The following SLC25A25 variants were observed in gnomAD, a reference collection of about 807,000 sequenced individuals.
SLC25A25 encodes mitochondrial adenyl nucleotide antiporter SLC25A25.
SLC25A25 carries 32 observed loss-of-function variants against 57.7 expected under a neutral mutation model. That is an observed-to-expected ratio of 0.55 (90% confidence interval 0.42 to 0.74). SLC25A25 has a LOEUF of 0.74. Among genes scored for constraint, SLC25A25 ranks in the 30% least tolerant of loss-of-function variants. SLC25A25 has a pLI of 0.00. For synonymous variants in SLC25A25, 306 were observed against 291.2 expected (o/e 1.05, Z -0.52); for missense variants, 556 against 701.3 (o/e 0.79, Z 2.34).
Position 128,102,627 on chromosome 9 carries a change from T to C in SLC25A25, c.624+146T>C. ...ACTGTCCCCTCTTCTGCCAGCCCAGTAGAGCTGTCCGCATGTTCCCCATGT... is the reference window on the plus strand; with the variant it reads ...ACTGTCCCCTCTTCTGCCAGCCCAGCAGAGCTGTCCGCATGTTCCCCATGT... On this transcript the variant is annotated intron_variant, in intron 5 of 10. Transcript: ENST00000373069. The surrounding 1 kb of genome is among the most constrained non-coding windows in gnomAD (Gnocchi z 4.1). 1 of 651,750 alleles carries C rather than the reference T, an allele frequency of 1.5e-6. No homozygotes were observed. Among genetic ancestry groups the C allele is most frequent in the South Asian group, 1.9e-5 (1 of 52,746 alleles). 40.4% of individuals were successfully genotyped at this position (651,750 alleles called of 1,614,324 possible). A position where few individuals can be genotyped will look rare whatever the true frequency, so the allele number is the denominator to read the frequency against.
intron 1 of SLC25A25, among the ~76,000 whole-genome samples, chr9:128,077,295 A>G (rs972156864): frequency 6.6e-6 from 1 of 151,434 alleles, no homozygotes; most frequent in African/African-American, 2.4e-5. Flanking sequence ...TGGGAGGCCA[A>G]GTCGGGTGGA....
At chr9:128,096,028 A>T (rs186058749) in intron 1 of SLC25A25, among the ~76,000 whole-genome samples, 18 of 152,364 alleles carry the variant, frequency 1.2e-4, no homozygotes, top group African/African-American at 4.3e-4. Flanking sequence ...GACTGCAGTC[A>T]TCACTAAAAT....
chr9:128,097,482 G>A (rs1164015585), intron 1 of SLC25A25, among the ~76,000 whole-genome samples: 2 of 152,226 alleles, frequency 1.3e-5, no homozygotes, highest in African/African-American at 2.4e-5. Flanking sequence ...AGGCTGGAGT[G>A]CAGTGGCACA....
At chr9:128,077,698 T>G (rs988964729) in intron 1 of SLC25A25, among the ~76,000 whole-genome samples, 2 of 151,800 alleles carry the variant, frequency 1.3e-5, no homozygotes, top group African/African-American at 4.8e-5. Flanking sequence ...GTTGGAAATA[T>G]TCTCAAGTTG....
chr9:128,074,048 T>G lies in SLC25A25; in HGVS notation c.261+5468T>G, dbSNP rs113055735. 4.0e-3 allele frequency among the ~76,000 whole-genome samples: 602 copies of G among 150,798 alleles called. 6 individuals carry two copies. The highest frequency in any genetic ancestry group is 0.014 in the African/African-American group (571 of 40,954). On this transcript the variant is annotated intron_variant, in intron 1 of 10. Coordinates refer to ENST00000373069, the MANE Select transcript of SLC25A25 (RefSeq NM_001330988.2). ...CATGCCTGTCCTTGAGAAGATTTTT[T>G]TGTGTGTGTGTGACGGATTCTCACT...
At chr9:128,105,158 CTTTTT>C (rs11351573) in intron 6 of SLC25A25, among the ~76,000 whole-genome samples, 1 of 29,134 alleles carries the variant, frequency 3.4e-5, no homozygotes, top group Non-Finnish European at 5.7e-5. Flanking sequence ...CACTCCCGGC[CTTTTT>C]TTTTTTTTTT....
chr9:128,086,840 C>G (rs542870786), intron 1 of SLC25A25, among the ~76,000 whole-genome samples: 1 of 152,288 alleles, frequency 6.6e-6, no homozygotes, highest in African/African-American at 2.4e-5. Context: ...CTGTGGTCCT[C>G]ATGCATTTTA....
chr9:128,097,021 G>C (rs187723613), intron 1 of SLC25A25, among the ~76,000 whole-genome samples: 46 of 152,354 alleles, frequency 3.0e-4, no homozygotes, highest in Admixed American at 2.8e-3. Context: ...AATGTTGTGT[G>C]TAAGTATCAA....
chr9:128,073,506 T>C (rs1172279990), intron 1 of SLC25A25, among the ~76,000 whole-genome samples: 2 of 152,198 alleles, frequency 1.3e-5, no homozygotes, highest in African/African-American at 2.4e-5. Flanking sequence ...ACTTTTTAAA[T>C]GTTTGGCCAT....
At chr9:128,070,806 C>T (rs547943107) in intron 1 of SLC25A25, among the ~76,000 whole-genome samples, 39 of 151,722 alleles carry the variant, frequency 2.6e-4, no homozygotes, top group Admixed American at 2.6e-4. Flanking sequence ...ACAAAATTAA[C>T]GGGGAGTGGT....
At chr9:128,091,217 G>A (rs1458934116) in intron 1 of SLC25A25, 2 of 157,188 alleles carry the variant, frequency 1.3e-5, no homozygotes, top group African/African-American at 4.8e-5. Flanking sequence ...CCCGAGTGGA[G>A]GGCAGGGAGT....
intron 1 of SLC25A25, 96 bp downstream of exon 1, chr9:128,068,676 C>T (rs1241218218): frequency 2.3e-6 from 3 of 1,294,688 alleles, no homozygotes; most frequent in Non-Finnish European, 3.0e-6. Context: ...GGGCGGAACC[C>T]CCACTGTCCA....
chr9:128,098,049 G>A (rs1051754818), intron 1 of SLC25A25, among the ~76,000 whole-genome samples: 8 of 152,196 alleles, frequency 5.3e-5, no homozygotes, highest in African/African-American at 4.8e-5. Context: ...AGCTGAACTG[G>A]GCCCGTTTGC....
Position 128,103,571 on chromosome 9 carries a change from C to G in SLC25A25, c.625-110C>G. 2 of 1,404,366 alleles carry G rather than the reference C, an allele frequency of 1.4e-6. No homozygotes were observed. The highest frequency in any genetic ancestry group is 2.0e-6 in the Non-Finnish European group (2 of 1,006,232). 87.0% of individuals were successfully genotyped at this position (1,404,366 alleles called of 1,614,324 possible). A position where few individuals can be genotyped will look rare whatever the true frequency, so the allele number is the denominator to read the frequency against. ...CCCACCCAGAGTCCTTGGCCTTCTC[C>G]CTGTCCTGTGGTCCCTGGCCTGGAG... On this transcript the variant is annotated intron_variant, in intron 5 of 10. Coordinates refer to ENST00000373069, the MANE Select transcript of SLC25A25 (RefSeq NM_001330988.2). The surrounding 1 kb of genome is among the most constrained non-coding windows in gnomAD (Gnocchi z 6.7).
intron 9 of SLC25A25, 131 bp from the exon 10 acceptor site, chr9:128,106,898 G>C: frequency 8.7e-7 from 1 of 1,146,700 alleles, no homozygotes. Flanking sequence ...AGGGCAGCCA[G>C]GCTAGGAGCC....
chr9:128,107,524 G>T lies in SLC25A25; in HGVS notation c.*80G>T. On this transcript the variant is annotated 3_prime_UTR_variant, in exon 11 of 11. Coordinates refer to ENST00000373069, the MANE Select transcript of SLC25A25 (RefSeq NM_001330988.2). ...TGTGCAGCCATCTCATTCTGTGAAT[G>T]TGCCAACACTAAGCTGTCTCGAGCC... 6.9e-7 allele frequency: 1 copy of T among 1,454,294 alleles called. No homozygotes were observed. Among genetic ancestry groups the T allele is most frequent in the Non-Finnish European group, 9.2e-7 (1 of 1,091,778 alleles). The allele number at this position is 1,454,294 out of a possible 1,614,324, so 90.1% of individuals were successfully genotyped here.
At chr9:128,096,435 G>T (rs1480819550) in intron 1 of SLC25A25, among the ~76,000 whole-genome samples, 1 of 152,224 alleles carries the variant, frequency 6.6e-6, no homozygotes, top group East Asian at 1.9e-4. Context: ...CTTGAACCTG[G>T]GAGGCAGAGG....
At chr9:128,105,912 G>A (rs200255657) in intron 7 of SLC25A25, 31 bp downstream of exon 7, 9 of 1,605,342 alleles carry the variant, frequency 5.6e-6, no homozygotes, top group South Asian at 2.2e-5. Flanking sequence ...GAGGGTCACC[G>A]GCCAGTGGCT....
chr9:128,078,160 T>C (rs570583267), intron 1 of SLC25A25, among the ~76,000 whole-genome samples: 1 of 152,158 alleles, frequency 6.6e-6, no homozygotes, highest in Admixed American at 6.5e-5. Flanking sequence ...AACTTGTTGG[T>C]ATGAGGACCT....
Sources: gnomAD v4.1 joint callset for allele counts (sites outside exome capture counted in the v4.1 genomes callset) on GRCh38, gnomAD v4.1.1 for gene constraint, Gnocchi (gnomAD v3.1) non-coding constraint, MANE v1.5 for transcripts, NCBI Gene and HGNC (gene_info 2026-07-23, HGNC 2026-07-21) for gene names.